Variants in ICE1 observed in about 807,000 individuals in gnomAD.
The protein encoded by ICE1 is little elongation complex subunit 1.
A neutral mutation model predicts 192.7 loss-of-function variants in ICE1; 64 were observed. The observed-to-expected ratio is 0.33, with a 90% CI of 0.27 to 0.41. The LOEUF (loss-of-function observed/expected upper bound fraction) is 0.41, where lower values mean the gene tolerates loss of function less well. Ranked by LOEUF, ICE1 falls within the 10% of genes least tolerant of loss-of-function variation. The pLI, the probability that ICE1 is intolerant of heterozygous loss-of-function variation, is 1.00. For synonymous variants in ICE1, 1,010 were observed against 984.5 expected (o/e 1.03, Z -0.49); for missense variants, 2,708 against 2,696.0 (o/e 1.00, Z -0.10).
chr5:5,445,652 G>A (rs1046832559), intron 7 of ICE1, among the ~76,000 whole-genome samples: 4 of 151,920 alleles, frequency 2.6e-5, no homozygotes, highest in Non-Finnish European at 5.9e-5. Flanking sequence ...GACCTCAAGT[G>A]ATCTGCCCGC....
chr5:5,463,594 G>A lies in ICE1; in HGVS notation c.4260G>A (p.Lys1420=). The change falls in exon 13 of 19, where the codon AAG becomes AAA. Residue 1420 remains lysine (K), a synonymous_variant. Transcript: ENST00000296564. The part of the protein sequence containing the change: ...INKDQNLVIE[K]GDNWTIISGV... ...AGGATCAGAATCTAGTCATTGAAAA[G>A]GGGGACAACTGGACAATCATCAGTG... 1 of 1,614,012 alleles carries A rather than the reference G, an allele frequency of 6.2e-7. No homozygotes were observed. Among genetic ancestry groups the A allele is most frequent in the South Asian group, 1.1e-5 (1 of 91,082 alleles).
intron 8 of ICE1, 55 bp from the exon 9 acceptor site, chr5:5,447,666 A>G (rs1410688113): frequency 1.3e-5 from 19 of 1,497,270 alleles, no homozygotes; most frequent in Non-Finnish European, 1.7e-5. Context: ...CATTTGGTCT[A>G]GAATGGCTGC....
At chr5:5,423,053 G>C in intron 1 of ICE1, 54 bp downstream of exon 1, 1 of 1,230,262 alleles carries the variant, frequency 8.1e-7, no homozygotes. Flanking sequence ...TCGGCCGGCC[G>C]GGAGCGCAGG....
chr5:5,485,709 A>C (rs1364548829), intron 17 of ICE1, among the ~76,000 whole-genome samples: 5 of 152,256 alleles, frequency 3.3e-5, no homozygotes, highest in African/African-American at 1.2e-4. Flanking sequence ...CTTGGAAAAT[A>C]ATTGATTGAC....
chr5:5,436,228 C>G (rs1041965455), intron 1 of ICE1, among the ~76,000 whole-genome samples, 190 bp from the exon 2 acceptor site: 1 of 152,114 alleles, frequency 6.6e-6, no homozygotes, highest in Non-Finnish European at 1.5e-5. Flanking sequence ...GGAGTACTAT[C>G]ATTCAGATAA....
In ICE1 at chr5:5,463,297, A is replaced by C. The variant is rs200413397; in HGVS notation, c.3963A>C (p.Gln1321His). Residue 1321 changes from glutamine to histidine, a missense_variant, in exon 13 of 19, where the codon CAA becomes CAC. Gln to His is a conservative substitution (Grantham distance 24). Around this residue, in one of 2 missense-constraint regions of ICE1, gnomAD observed 2,366 missense variants for 2,276.6 expected, o/e 1.04. Coordinates refer to ENST00000296564, the MANE Select transcript of ICE1 (RefSeq NM_015325.3). The part of the protein sequence containing the change: ...SSSHASEPTP[Q>H]AAALDTEGSS... ...CACATGCTTCAGAACCAACCCCACA[A>C]GCAGCTGCCTTGGACACTGAGGGCA... 53 of 1,613,686 alleles carry C rather than the reference A, an allele frequency of 3.3e-5. 1 individual carries two copies. The African/African-American group carries it at 6.7e-4, about 20-fold the overall frequency.
intron 17 of ICE1, among the ~76,000 whole-genome samples, chr5:5,479,705 C>A (rs1739440755): frequency 6.6e-6 from 1 of 152,190 alleles, no homozygotes; most frequent in African/African-American, 2.4e-5. Context: ...AAGTGTCCAT[C>A]AGTGAGAGAC....
chr5:5,432,218 CT>C (rs1405380369), intron 1 of ICE1, among the ~76,000 whole-genome samples: 3 of 152,198 alleles, frequency 2.0e-5, no homozygotes, highest in Non-Finnish European at 2.9e-5. Context: ...TTCCTCCAGT[CT>C]CTGGCAGCCA....
intron 3 of ICE1, among the ~76,000 whole-genome samples, chr5:5,438,495 T>C (rs1737945834): frequency 1.3e-5 from 2 of 152,216 alleles, no homozygotes; most frequent in African/African-American, 4.8e-5. Context: ...AAACCATCAG[T>C]CCATTTAACT....
In ICE1 at chr5:5,457,575, G is replaced by T. The variant is rs369352047; in HGVS notation, c.935G>T (p.Arg312Leu). 3.3e-4 allele frequency: 529 copies of T among 1,613,818 alleles called. No individual in the cohort carries two copies. The highest frequency in any genetic ancestry group is 4.3e-4 in the Non-Finnish European group (511 of 1,179,852). The change falls in exon 12 of 19, where the codon CGT (arginine) becomes CTT (leucine). Residue 312 changes from arginine to leucine, a missense_variant. Physicochemically the swap from Arg to Leu is moderately radical, Grantham distance 102. This residue lies in a region of ICE1 where 2,366 missense variants were observed against 2,276.6 expected (regional missense o/e 1.04). Transcript: ENST00000296564. ...CTTGAGGTTTTAGTACAAAGTCATC[G>T]TGACGGTGGTAGTACTGAATTTGTT... ...GNLEVLVQSH[R>L]DGGSTEFVDH...
At chr5:5,448,423 G>A (rs912769363) in intron 10 of ICE1, among the ~76,000 whole-genome samples, 1 of 152,188 alleles carries the variant, frequency 6.6e-6, no homozygotes, top group Non-Finnish European at 1.5e-5. Context: ...GTTACTGAGC[G>A]CCACGTCTCA....
intron 15 of ICE1, among the ~76,000 whole-genome samples, chr5:5,471,912 A>G (rs1228091066): frequency 6.6e-6 from 1 of 152,134 alleles, no homozygotes; most frequent in Non-Finnish European, 1.5e-5. Flanking sequence ...AGGATGCTCT[A>G]TATGTAGAAG....
intron 6 of ICE1, 72 bp from the exon 7 acceptor site, chr5:5,444,217 C>T: frequency 1.1e-6 from 1 of 932,704 alleles, no homozygotes; most frequent in East Asian, 2.7e-5. Context: ...AAAATATGTG[C>T]CACAAATTAT....
In ICE1 at chr5:5,464,008, TTCAAACAAAGATCAG is replaced by T; in HGVS notation, c.4684_4698del (p.Asp1562_Lys1566del). On this transcript the variant is annotated inframe_deletion, in exon 13 of 19. Transcript: ENST00000296564. The surrounding 1 kb of genome is among the most constrained non-coding windows in gnomAD (Gnocchi z 4.0). ...GCAAAAATAAGAATCGATCAAAGAT[TTCAAACAAAGATCAG>T]TCAAACAAACCAGTAAAAACTTCAG... 6.2e-7 allele frequency: 1 copy of T among 1,613,708 alleles called. No individual in the cohort carries two copies. The highest frequency in any genetic ancestry group is 8.5e-7 in the Non-Finnish European group (1 of 1,179,830).
chr5:5,473,434 T>C, intron 15 of ICE1, 124 bp from the exon 16 acceptor site: 1 of 834,002 alleles, frequency 1.2e-6, no homozygotes, highest in South Asian at 1.8e-5. Context: ...TCAAACTGTT[T>C]TAAAAAGCTA....
intron 1 of ICE1, 116 bp downstream of exon 1, chr5:5,423,115 C>T: frequency 2.0e-6 from 1 of 508,806 alleles, no homozygotes; most frequent in Non-Finnish European, 3.1e-6. Context: ...CTCTCCCTTC[C>T]CAACCGTAGC....
chr5:5,463,620 G>T lies in ICE1; in HGVS notation c.4286G>T (p.Gly1429Val). The T allele has an allele frequency of 6.2e-7, 1 of 1,614,006 alleles. No individual in the cohort carries two copies. Residue 1429 changes from glycine (G) to valine (V), a missense_variant, in exon 13 of 19, where the codon GGT becomes GTT. Transcript: ENST00000296564. ...GGGGACAACTGGACAATCATCAGTGGTGTAGCTGTCTTGCCACATGTGGAC... is the reference window on the plus strand; with the variant it reads ...GGGGACAACTGGACAATCATCAGTGTTGTAGCTGTCTTGCCACATGTGGAC... ...EKGDNWTIISGVAVLPHVDQV... is the reference protein window; with the variant it reads ...EKGDNWTIISVVAVLPHVDQV...
In ICE1 at chr5:5,422,944, C is replaced by T. The variant is rs1231495459; in HGVS notation, c.29C>T (p.Ala10Val). 4.8e-6 allele frequency: 7 copies of T among 1,446,972 alleles called. No homozygotes were observed. The highest frequency in any genetic ancestry group is 6.4e-6 in the Non-Finnish European group (7 of 1,101,510). The allele number at this position is 1,446,972 out of a possible 1,614,324, so 89.6% of individuals were successfully genotyped here. The stretch of plus-strand genomic sequence containing the variant: ...ATGCCGGGCGAGACCCATTCGGCGG[C>T]GCCCGGGACGGCGGCGGACCTGTCG... The part of the protein sequence containing the change: MMPGETHSA[A>V]PGTAADLSRC... Residue 10 changes from alanine to valine, a missense_variant, in exon 1 of 19, where the codon GCG (alanine) becomes GTG (valine). Around this residue, in one of 2 missense-constraint regions of ICE1, gnomAD observed 2,366 missense variants for 2,276.6 expected, o/e 1.04. Coordinates refer to ENST00000296564, the MANE Select transcript of ICE1 (RefSeq NM_015325.3).
In ICE1 at chr5:5,465,129, T is replaced by A; in HGVS notation, c.5795T>A (p.Val1932Asp). 1 of 1,611,350 alleles carries A rather than the reference T, an allele frequency of 6.2e-7. No homozygotes were observed. The highest frequency in any genetic ancestry group is 8.5e-7 in the Non-Finnish European group (1 of 1,178,618). Reference protein sequence around the residue: ...IAEFSFDLLPVIRSHVYVGNI... With the variant: ...IAEFSFDLLPDIRSHVYVGNI... Reference sequence around the variant, plus strand: ...GAGTTTTCTTTTGATCTGTTACCTGTCATTCGTAGTCATGTGTATGTGGGA... The same window carrying A: ...GAGTTTTCTTTTGATCTGTTACCTGACATTCGTAGTCATGTGTATGTGGGA... The change falls in exon 13 of 19, where the codon GTC (valine) becomes GAC (aspartate). Residue 1932 changes from valine (V) to aspartate (D), a missense_variant. Physicochemically the swap from Val to Asp is radical, Grantham distance 152. Transcript: ENST00000296564.
Sources: allele counts gnomAD v4.1 joint callset (sites outside exome capture counted in the v4.1 genomes callset), GRCh38; gene constraint gnomAD v4.1.1; regional missense constraint gnomAD v4.1.1; non-coding constraint Gnocchi (gnomAD v3.1); transcripts MANE v1.5; gene names NCBI Gene and HGNC (gene_info 2026-07-23, HGNC 2026-07-21).